Variants in TXNDC16 observed in about 807,000 individuals in gnomAD.
TXNDC16 encodes the protein thioredoxin domain containing 16.
A neutral mutation model predicts 85.6 loss-of-function variants in TXNDC16; 74 were observed. The ratio of observed to expected loss-of-function variants is 0.86; its 90% CI spans 0.72 to 1.05. The LOEUF (loss-of-function observed/expected upper bound fraction) is 1.05. TXNDC16 is among the 50% of genes least tolerant of loss of function. The pLI is 0.00. For missense variants in TXNDC16, 959 were observed against 947.0 expected (o/e 1.01, Z -0.17); for synonymous variants, 335 against 326.5 (o/e 1.03, Z -0.28).
chr14:52,499,960 A>G (rs1043303067), intron 9 of TXNDC16, among the ~76,000 whole-genome samples: 18 of 152,126 alleles, frequency 1.2e-4, no homozygotes, highest in African/African-American at 3.9e-4. Context: ...TTTTATTGTT[A>G]TATTTTTATT....
intron 9 of TXNDC16, among the ~76,000 whole-genome samples, chr14:52,494,588 G>C (rs1427024007): frequency 6.6e-6 from 1 of 152,124 alleles, no homozygotes; most frequent in Non-Finnish European, 1.5e-5. Context: ...TAGTAATTCA[G>C]TATTATAAAG....
chr14:52,483,623 C>T (rs2036199581), intron 12 of TXNDC16, among the ~76,000 whole-genome samples: 3 of 152,138 alleles, frequency 2.0e-5, no homozygotes, highest in Non-Finnish European at 4.4e-5. Flanking sequence ...CTAGGCTAGG[C>T]AGTGGCTAGA....
intron 1 of TXNDC16, among the ~76,000 whole-genome samples, chr14:52,551,401 C>T (rs184224128): frequency 1.5e-4 from 23 of 150,778 alleles, no homozygotes; most frequent in Admixed American, 6.0e-4. Flanking sequence ...ACTGCTTGTG[C>T]CCAGGAGGTG....
chr14:52,447,345 A>G (rs1392623224), intron 18 of TXNDC16, among the ~76,000 whole-genome samples: 1 of 152,126 alleles, frequency 6.6e-6, no homozygotes, highest in East Asian at 1.9e-4. Context: ...GGAATTCACC[A>G]TCCTAAAGGG....
intron 6 of TXNDC16, among the ~76,000 whole-genome samples, chr14:52,526,813 C>T (rs1051407633): frequency 3.3e-5 from 5 of 152,210 alleles, no homozygotes; most frequent in Non-Finnish European, 5.9e-5. Context: ...AACCCTCAGT[C>T]TCTGAGGAGG....
intron 11 of TXNDC16, among the ~76,000 whole-genome samples, chr14:52,489,917 G>T (rs1010258183): frequency 3.9e-5 from 6 of 152,132 alleles, no homozygotes; most frequent in African/African-American, 1.4e-4. Context: ...GCTCACTGCA[G>T]CTCAAACCTC....
At chr14:52,435,144 C>T (rs1377320201) in intron 20 of TXNDC16, among the ~76,000 whole-genome samples, 2 of 151,806 alleles carry the variant, frequency 1.3e-5, no homozygotes, top group Admixed American at 6.6e-5. Flanking sequence ...AACTATTAAA[C>T]TCATTTTATA....
chr14:52,482,122 T>C (rs980464774), intron 14 of TXNDC16, 108 bp downstream of exon 14: 1 of 1,015,410 alleles, frequency 9.8e-7, no homozygotes, highest in African/African-American at 1.6e-5. Flanking sequence ...GACACAAACA[T>C]AGTAACTGAA....
intron 9 of TXNDC16, among the ~76,000 whole-genome samples, chr14:52,500,847 A>C (rs1222798068): frequency 1.3e-5 from 2 of 152,238 alleles, no homozygotes; most frequent in Admixed American, 1.3e-4. Flanking sequence ...AAATTATTAA[A>C]AATGTATAAA....
intron 15 of TXNDC16, 33 bp from the exon 16 acceptor site, chr14:52,470,206 T>A: frequency 6.7e-7 from 1 of 1,485,676 alleles, no homozygotes; most frequent in South Asian, 1.3e-5. Flanking sequence ...TACAAATTAA[T>A]TTTTTAAGAT....
intron 7 of TXNDC16, among the ~76,000 whole-genome samples, chr14:52,515,215 T>C (rs1323700142): frequency 1.3e-5 from 2 of 152,176 alleles, no homozygotes; most frequent in African/African-American, 2.4e-5. Flanking sequence ...GAGAATATAA[T>C]ATACAACAAA....
rs760008366 is a variant in TXNDC16 at position 52,455,436 on chromosome 14, G to A, written c.1730C>T (p.Pro577Leu). The A allele has an allele frequency of 1.9e-6, 3 of 1,613,854 alleles. No homozygotes were observed. Among genetic ancestry groups the A allele is most frequent in the Non-Finnish European group, 2.5e-6 (3 of 1,179,940 alleles). ...LLSTKYAASL[P>L]ALLLARHTEG... ...TGTGTGTCTGGCAAGCAGCAGGGCT[G>A]GAAGACTTGCAGCATATTTGGTTGA... The change falls in exon 18 of 21, where the codon CCA (proline) becomes CTA (leucine). Residue 577 changes from proline to leucine, a missense_variant. Pro to Leu is a moderately conservative substitution (Grantham distance 98). Coordinates refer to ENST00000281741, the MANE Select transcript of TXNDC16 (RefSeq NM_020784.3).
At chr14:52,511,780 C>T (rs765080152) in intron 8 of TXNDC16, among the ~76,000 whole-genome samples, 5 of 152,068 alleles carry the variant, frequency 3.3e-5, no homozygotes, top group Non-Finnish European at 4.4e-5. Flanking sequence ...AGCTTTGTAA[C>T]GCAAATTTTC....
At chr14:52,475,973 G>A (rs2036011605) in intron 14 of TXNDC16, among the ~76,000 whole-genome samples, 1 of 152,158 alleles carries the variant, frequency 6.6e-6, no homozygotes. Context: ...ATCCATGGCT[G>A]AGAGACCCAC....
rs1290888718 is a variant in TXNDC16 at position 52,519,090 on chromosome 14, CA to C, written c.514+81del. The C allele has an allele frequency of 4.3e-5, 58 of 1,361,740 alleles. No homozygotes were observed. The South Asian group carries it at 5.6e-4, about 13-fold the overall frequency. The allele number at this position is 1,361,740 out of a possible 1,614,324, so 84.4% of individuals were successfully genotyped here. ...TTATTTTAAATATTACGACTGTAGT[CA>C]AAAAAATACACTATTTTAAGTACTT... On this transcript the variant is annotated intron_variant, in intron 7 of 20. Coordinates refer to ENST00000281741, the MANE Select transcript of TXNDC16 (RefSeq NM_020784.3).
intron 9 of TXNDC16, among the ~76,000 whole-genome samples, chr14:52,508,927 G>A (rs927011575): frequency 2.0e-5 from 3 of 152,240 alleles, no homozygotes; most frequent in South Asian, 4.2e-4. Context: ...AGCGGGGAGG[G>A]ATAGCATTAG....
chr14:52,452,351 C>G (rs981423522), intron 18 of TXNDC16, among the ~76,000 whole-genome samples: 1 of 152,036 alleles, frequency 6.6e-6, no homozygotes, highest in Non-Finnish European at 1.5e-5. Flanking sequence ...TATGGATTCA[C>G]AAAAGACCCA....
At chr14:52,506,639 C>T (rs2036814213) in intron 9 of TXNDC16, among the ~76,000 whole-genome samples, 2 of 138,836 alleles carry the variant, frequency 1.4e-5, no homozygotes, top group East Asian at 2.3e-4. Flanking sequence ...TCACTGCAAG[C>T]TCCGCTTCCC....
chr14:52,493,216 T>TATATATATATATATATATATATATTAC lies in TXNDC16; in HGVS notation c.757-2212_757-2211insGTAATATATATATATATATATATATAT. 7.3e-3 allele frequency among the ~76,000 whole-genome samples: 842 copies of TATATATATATATATATATATATATTAC among 115,716 alleles called. 9 individuals carry two copies. The highest frequency in any genetic ancestry group is 0.011 in the Non-Finnish European group (638 of 57,004). 75.9% of individuals were successfully genotyped at this position (115,716 alleles called of 152,430 possible). ...TTCTATATATATATATATATATATA[T>TATATATATATATATATATATATATTAC]ACACACACACACACACACATATTTA... On this transcript the variant is annotated intron_variant, in intron 9 of 20. Coordinates refer to ENST00000281741, the MANE Select transcript of TXNDC16 (RefSeq NM_020784.3).
Sources: allele counts gnomAD v4.1 joint callset (sites outside exome capture counted in the v4.1 genomes callset), GRCh38; gene constraint gnomAD v4.1.1; transcripts MANE v1.5; gene names NCBI Gene and HGNC (gene_info 2026-07-23, HGNC 2026-07-21).